Variants in TLCD4 observed in about 807,000 individuals in gnomAD.
TLCD4 encodes TLC domain containing 4.
A neutral mutation model predicts 24.2 loss-of-function variants in TLCD4; 7 were observed. The observed-to-expected ratio is 0.29, with a 90% CI of 0.16 to 0.54. The LOEUF is 0.54. Ranked by LOEUF, TLCD4 falls within the 20% of genes least tolerant of loss-of-function variation. The pLI is 0.95. For synonymous variants in TLCD4, 103 were observed against 106.4 expected (o/e 0.97, Z 0.20); for missense variants, 259 against 313.9 (o/e 0.82, Z 1.32).
rs1409591003 is a variant in TLCD4, at chr1:95,194,118, C to G, written c.*2250C>G. The G allele has an allele frequency of 6.6e-6, 1 of 151,890 alleles. No homozygotes were observed. The highest frequency in any genetic ancestry group is 1.9e-4 in the East Asian group (1 of 5,200). 9.4% of individuals were successfully genotyped at this position (151,890 alleles called of 1,614,324 possible). On this transcript the variant is annotated 3_prime_UTR_variant, in exon 7 of 7. Transcript: ENST00000370203. ...ATGCTTAAAACTTCATTCTTACTTT[C>G]ATTAATGTTACCCTTCACTGGTATA...
chr1:95,167,882 A>G (rs1678074458), intron 5 of TLCD4, among the ~76,000 whole-genome samples: 1 of 152,176 alleles, frequency 6.6e-6, no homozygotes. Context: ...CTGGGCTTCC[A>G]GAGCTCAGGG....
chr1:95,127,728 A>G (rs1250523323), intron 1 of TLCD4, among the ~76,000 whole-genome samples: 4 of 152,222 alleles, frequency 2.6e-5, no homozygotes, highest in Non-Finnish European at 4.4e-5. Flanking sequence ...GACTCTTCCT[A>G]GCATAGACTT....
At chr1:95,159,915 A>G (rs1301339259) in intron 5 of TLCD4, among the ~76,000 whole-genome samples, 3 of 152,180 alleles carry the variant, frequency 2.0e-5, no homozygotes, top group Non-Finnish European at 4.4e-5. Context: ...GTAGCCTTGT[A>G]GTATAGTTTG....
intron 5 of TLCD4, among the ~76,000 whole-genome samples, chr1:95,170,310 T>A (rs535522392): frequency 6.6e-6 from 1 of 151,450 alleles, no homozygotes; most frequent in African/African-American, 2.4e-5. Context: ...TAGTGAGGGG[T>A]TATAATAATA....
At chr1:95,124,833 TG>T (rs1171030968) in intron 1 of TLCD4, among the ~76,000 whole-genome samples, 1 of 146,036 alleles carries the variant, frequency 6.8e-6, no homozygotes, top group African/African-American at 2.5e-5. Context: ...TAGCACTGGC[TG>T]GGCAAAATAT....
At chr1:95,162,071 C>T (rs1233428251) in intron 5 of TLCD4, among the ~76,000 whole-genome samples, 2 of 152,108 alleles carry the variant, frequency 1.3e-5, no homozygotes, top group Non-Finnish European at 2.9e-5. Context: ...CTTTCTGTCT[C>T]GTTGATCTGT....
At chr1:95,180,085 C>T (rs1678580480) in intron 6 of TLCD4, among the ~76,000 whole-genome samples, 1 of 152,204 alleles carries the variant, frequency 6.6e-6, no homozygotes, top group Non-Finnish European at 1.5e-5. Flanking sequence ...CCAGTGTCCA[C>T]ACATTATCTG....
the TLCD4 span, among the ~76,000 whole-genome samples, chr1:95,105,798 G>C: frequency 6.6e-6 from 1 of 151,256 alleles, no homozygotes; most frequent in Non-Finnish European, 1.5e-5. Flanking sequence ...GCGAGGCTGA[G>C]ACAAGAGAAT....
At chr1:95,155,824 A>C (rs903810413) in intron 5 of TLCD4, among the ~76,000 whole-genome samples, 5 of 148,558 alleles carry the variant, frequency 3.4e-5, no homozygotes, top group Non-Finnish European at 5.9e-5. Context: ...TATTACAGAG[A>C]TTTTGAGCTA....
At chr1:95,190,194 C>T (rs938367840) in intron 6 of TLCD4, among the ~76,000 whole-genome samples, 1 of 151,954 alleles carries the variant, frequency 6.6e-6, no homozygotes, top group Non-Finnish European at 1.5e-5. Flanking sequence ...ACCTCTGCCT[C>T]CCAGGTTCAA....
intron 4 of TLCD4, among the ~76,000 whole-genome samples, chr1:95,150,555 G>A (rs1376619578): frequency 6.6e-6 from 1 of 152,066 alleles, no homozygotes; most frequent in African/African-American, 2.4e-5. Flanking sequence ...GCTCTTAAGT[G>A]TAATGACTGT....
intron 5 of TLCD4, among the ~76,000 whole-genome samples, chr1:95,171,080 A>G (rs1678201620): frequency 1.3e-5 from 2 of 151,762 alleles, no homozygotes; most frequent in South Asian, 2.1e-4. Context: ...CGCAAATGTG[A>G]TTTCGAATAT....
chr1:95,098,758 C>T, the TLCD4 span, among the ~76,000 whole-genome samples: 1 of 152,054 alleles, frequency 6.6e-6, no homozygotes, highest in East Asian at 1.9e-4. Flanking sequence ...TTCTGTAAGC[C>T]TCAGGGTTTT....
At chr1:95,177,327 T>C (rs1678468664) in intron 6 of TLCD4, among the ~76,000 whole-genome samples, 1 of 152,174 alleles carries the variant, frequency 6.6e-6, no homozygotes, top group South Asian at 2.1e-4. Flanking sequence ...GGGGAAGGCT[T>C]CTATGATTAT....
chr1:95,196,378 A>G lies in TLCD4; in HGVS notation c.*4510A>G, dbSNP rs1161826377. ...CCTGCTCTTTAGGGAAAACTTTGCT[A>G]TGGTAATGTTTCTTTGAAAACAAAT... On this transcript the variant is annotated 3_prime_UTR_variant, in exon 7 of 7. Coordinates refer to ENST00000370203, the MANE Select transcript of TLCD4 (RefSeq NM_152487.3). 6.6e-6 allele frequency: 1 copy of G among 152,224 alleles called. No homozygotes were observed. The highest frequency in any genetic ancestry group is 2.4e-5 in the African/African-American group (1 of 41,458). 9.4% of individuals were successfully genotyped at this position (152,224 alleles called of 1,614,324 possible).
In TLCD4 at chr1:95,191,679, C is replaced by T. The variant is rs745722209; in HGVS notation, c.603C>T (p.Ser201=). Residue 201 remains serine (S), a synonymous_variant, in exon 7 of 7, where the codon TCC becomes TCT. Transcript: ENST00000370203. ...SMLPHYGFMY[S]VYGTEPYIRL... ...TTCCTCATTATGGCTTCATGTATTC[C>T]GTGTATGGAACAGAACCCTACATAA... The T allele has an allele frequency of 4.0e-5, 65 of 1,613,984 alleles. No homozygotes were observed. The highest frequency in any genetic ancestry group is 4.8e-5 in the Non-Finnish European group (57 of 1,180,020).
At chr1:95,132,052 A>G (rs963091212) in intron 1 of TLCD4, among the ~76,000 whole-genome samples, 1 of 152,200 alleles carries the variant, frequency 6.6e-6, no homozygotes. Flanking sequence ...GACCTTCTCC[A>G]CTATGTTATG....
At chr1:95,171,504 C>G (rs1678221503) in intron 5 of TLCD4, among the ~76,000 whole-genome samples, 2 of 152,130 alleles carry the variant, frequency 1.3e-5, no homozygotes, top group South Asian at 4.1e-4. Flanking sequence ...TTTGTATTGA[C>G]ATAGTGTTAG....
At chr1:95,101,184 G>A in the TLCD4 span, among the ~76,000 whole-genome samples, 1 of 152,158 alleles carries the variant, frequency 6.6e-6, no homozygotes, top group Non-Finnish European at 1.5e-5. Flanking sequence ...TAGGATTATA[G>A]GCGTGAGCCA....
Sources: allele counts gnomAD v4.1 joint callset (sites outside exome capture counted in the v4.1 genomes callset), GRCh38; gene constraint gnomAD v4.1.1; transcripts MANE v1.5; gene names NCBI Gene and HGNC (gene_info 2026-07-23, HGNC 2026-07-21).